MCF2L2: variants seen among roughly 807,000 people sequenced by gnomAD.
MCF2L2 encodes MCF.2 cell line derived transforming sequence-like 2.
Under a neutral mutation model 150.2 loss-of-function variants are expected in MCF2L2, and 102 were observed. That is an observed-to-expected ratio of 0.68 (90% CI 0.58 to 0.80). The LOEUF is 0.80. Among genes scored for constraint, MCF2L2 ranks in the 30% least tolerant of loss-of-function variants. The pLI is 0.00. For missense variants in MCF2L2, 1,256 were observed against 1,372.8 expected, an observed-to-expected ratio of 0.91 and a Z score of 1.34; for synonymous variants, 465 against 491.3, an observed-to-expected ratio of 0.95 and a Z score of 0.71.
intron 1 of MCF2L2, among the ~76,000 whole-genome samples, chr3:183,401,904 T>C (rs1484981459): frequency 2.6e-5 from 4 of 152,190 alleles, no homozygotes; most frequent in Non-Finnish European, 4.4e-5. Flanking sequence ...TGTAAAGGCC[T>C]GTGTGTAGAC....
At chr3:183,233,545 G>A (rs1321771436) in intron 15 of MCF2L2, among the ~76,000 whole-genome samples, 3 of 152,034 alleles carry the variant, frequency 2.0e-5, no homozygotes, top group Admixed American at 6.6e-5. Flanking sequence ...AAAACAAGAC[G>A]TAGACAAGTA....
rs1723258849 is a variant in MCF2L2 at position 183,224,116 on chromosome 3, T to A, written c.2190A>T (p.Gln730His). ...PRARAIWQECQDCAYFGVCQR... is the reference protein window; with the variant it reads ...PRARAIWQECHDCAYFGVCQR... ...ACATTACCCCAAAGTAGGCGCAGTCTTGACACTCTTGCCAGATTGCCCTAG... is the reference window on the plus strand; with the variant it reads ...ACATTACCCCAAAGTAGGCGCAGTCATGACACTCTTGCCAGATTGCCCTAG... The change falls in exon 19 of 30, where the codon CAA becomes CAT. Residue 730 changes from glutamine to histidine, a missense_variant. Transcript: ENST00000328913. 1 of 1,613,838 alleles carries A rather than the reference T, an allele frequency of 6.2e-7. No homozygotes were observed. The highest frequency in any genetic ancestry group is 1.1e-5 in the South Asian group (1 of 91,090).
intron 7 of MCF2L2, among the ~76,000 whole-genome samples, chr3:183,312,986 T>G (rs1045720985): frequency 4.6e-5 from 7 of 152,246 alleles, no homozygotes; most frequent in African/African-American, 1.7e-4. Flanking sequence ...ATCAGGCATA[T>G]CTCTTCTTTT....
At chr3:183,395,416 T>C (rs1046545201) in intron 1 of MCF2L2, among the ~76,000 whole-genome samples, 1 of 152,300 alleles carries the variant, frequency 6.6e-6, no homozygotes. Context: ...AAAGAATATA[T>C]GAAACAGTTG....
rs138105586 is a variant in MCF2L2, at chr3:183,334,188, G to A, written c.486+4612C>T. Among the ~76,000 whole-genome samples the A allele has an allele frequency of 3.2e-4, 49 of 152,284 alleles. No homozygotes were observed. The East Asian group carries it at 7.1e-3, about 22-fold the overall frequency. On this transcript the variant is annotated intron_variant, in intron 5 of 29. Transcript: ENST00000328913. ...AAATACCAACTTCTGATTAGTAAAT[G>A]ATGAGAGTGCTGGAGTTGGATAATC...
chr3:183,374,993 A>C (rs558642859), intron 3 of MCF2L2: 1 of 152,356 alleles, frequency 6.6e-6, no homozygotes, highest in Non-Finnish European at 1.5e-5. Flanking sequence ...TAAGATGTTT[A>C]TGGTTGAGAA....
chr3:183,411,150 T>A (rs1715298067), intron 1 of MCF2L2, among the ~76,000 whole-genome samples: 1 of 152,234 alleles, frequency 6.6e-6, no homozygotes, highest in Non-Finnish European at 1.5e-5. Flanking sequence ...GGAGCTAATT[T>A]TTTTTTTGGC....
Position 183,311,771 on chromosome 3 carries a change from T to A in MCF2L2, c.755A>T (p.Asp252Val), listed in dbSNP as rs746205326. The change falls in exon 8 of 30, where the codon GAT becomes GTT. Residue 252 changes from aspartate to valine, a missense_variant and splice_region_variant. By Grantham distance (152) the Asp-to-Val change is radical. Transcript: ENST00000328913. ...CTGCTTTCCAAGTAATTTCAGCTCA[T>A]CCTAGAAAATAAAAGTAGTCTCTCT... ...SHTRQRDKLQ[D>V]ELKLLGKQGT... The A allele has an allele frequency of 1.2e-6, 2 of 1,612,878 alleles. No homozygotes were observed.
At chr3:183,315,079 G>C (rs1729549069) in intron 7 of MCF2L2, among the ~76,000 whole-genome samples, 1 of 148,626 alleles carries the variant, frequency 6.7e-6, no homozygotes, top group South Asian at 2.2e-4. Context: ...TGGGATTACA[G>C]GTGCCAGCTA....
At chr3:183,313,324 T>C (rs1729463639) in intron 7 of MCF2L2, among the ~76,000 whole-genome samples, 1 of 152,104 alleles carries the variant, frequency 6.6e-6, no homozygotes, top group Admixed American at 6.6e-5. Flanking sequence ...CATATTGGTA[T>C]AGCAGAAGGA....
At chr3:183,351,202 A>G (rs1463326324) in intron 3 of MCF2L2, among the ~76,000 whole-genome samples, 23 of 66,072 alleles carry the variant, frequency 3.5e-4, no homozygotes, top group African/African-American at 1.5e-3. Context: ...ATATATATAT[A>G]TATATATATA....
At chr3:183,216,673 C>T (rs56132448) in intron 21 of MCF2L2, among the ~76,000 whole-genome samples, 69,984 of 136,536 alleles carry the variant, frequency 0.51, 19,273 homozygotes, top group East Asian at 0.7. Context: ...GGCACGATCT[C>T]GGCTCGCTGC....
At chr3:183,220,535 T>C (rs991969927) in intron 20 of MCF2L2, among the ~76,000 whole-genome samples, 2 of 152,226 alleles carry the variant, frequency 1.3e-5, no homozygotes, top group Admixed American at 6.5e-5. Flanking sequence ...TAATAACTTT[T>C]GTGCATTTTT....
At position 183,179,503 on chromosome 3, in the gene MCF2L2, C is replaced by T. The variant is rs1184920817; in HGVS notation, c.3222G>A (p.Thr1074=). The T allele has an allele frequency of 6.2e-7, 1 of 1,609,942 alleles. No individual in the cohort carries two copies. Among genetic ancestry groups the T allele is most frequent in the South Asian group, 1.1e-5 (1 of 90,780 alleles). Residue 1074 remains threonine (T), a splice_region_variant and synonymous_variant, in exon 30 of 30, where the codon ACG becomes ACA. Transcript: ENST00000328913. This position sits in a 1 kb window ranked among gnomAD's most constrained non-coding sequence, Gnocchi z 4.2. ...GEKEERDEEE[T]ATRSTEEERA... is the part of the protein sequence containing the mutation. The stretch of plus-strand genomic sequence containing the variant: ...GCTCCTCCTCGGTGCTGCGGGTCGC[C>T]CTGCAATTCCGAGAAGAAAGTCAGA...
intron 1 of MCF2L2, among the ~76,000 whole-genome samples, chr3:183,414,565 C>T (rs960981677): frequency 6.6e-6 from 1 of 152,010 alleles, no homozygotes; most frequent in African/African-American, 2.4e-5. Context: ...TCATTAATTT[C>T]CTCTAATCTT....
chr3:183,213,108 C>A (rs1444382443), intron 22 of MCF2L2, among the ~76,000 whole-genome samples: 1 of 152,042 alleles, frequency 6.6e-6, no homozygotes, highest in Non-Finnish European at 1.5e-5. Context: ...AATGAACTTA[C>A]AATACAAGTA....
intron 5 of MCF2L2, among the ~76,000 whole-genome samples, chr3:183,331,660 C>CA (rs1730276781): frequency 6.6e-6 from 1 of 152,142 alleles, no homozygotes; most frequent in Admixed American, 6.5e-5. Flanking sequence ...GGTGACTTCA[C>CA]ATTAACAGTT....
chr3:183,346,199 T>A (rs926097468), intron 3 of MCF2L2, among the ~76,000 whole-genome samples: 2 of 152,040 alleles, frequency 1.3e-5, no homozygotes, highest in Non-Finnish European at 2.9e-5. Context: ...GAATCCAGCA[T>A]CACATCAAAA....
chr3:183,301,973 G>A (rs1401829340), intron 10 of MCF2L2, among the ~76,000 whole-genome samples: 1 of 152,104 alleles, frequency 6.6e-6, no homozygotes, highest in East Asian at 1.9e-4. Flanking sequence ...TATGGTTTAT[G>A]GTGATTACTT....
Sources: gnomAD v4.1 joint callset for allele counts (sites outside exome capture counted in the v4.1 genomes callset) on GRCh38, gnomAD v4.1.1 for gene constraint, Gnocchi (gnomAD v3.1) non-coding constraint, MANE v1.5 for transcripts, NCBI Gene and HGNC (gene_info 2026-07-23, HGNC 2026-07-21) for gene names.